Variants in LRRTM4 observed in about 807,000 individuals in gnomAD.
LRRTM4 encodes leucine-rich repeat transmembrane neuronal protein 4.
Under a neutral mutation model 47.6 loss-of-function variants are expected in LRRTM4, and 25 were observed. The ratio of observed to expected loss-of-function variants is 0.53; its 90% CI spans 0.38 to 0.73. LRRTM4 has a LOEUF of 0.73. LRRTM4 is among the 30% of genes least tolerant of loss of function. The pLI, the probability that LRRTM4 is intolerant of heterozygous loss-of-function variation, is 0.00. For missense variants in LRRTM4, 638 were observed against 713.4 expected (o/e 0.89, Z 1.20); for synonymous variants, 311 against 269.5 (o/e 1.15, Z -1.51).
chr2:76,905,590 A>T (rs1419035964), intron 3 of LRRTM4, among the ~76,000 whole-genome samples: 1 of 151,272 alleles, frequency 6.6e-6, no homozygotes, highest in East Asian at 2.0e-4. Context: ...AAGAAGTTAA[A>T]AACTTTGAAA....
intron 3 of LRRTM4, among the ~76,000 whole-genome samples, chr2:77,231,275 A>G (rs1418311814): frequency 6.6e-6 from 1 of 151,908 alleles, no homozygotes; most frequent in Admixed American, 6.6e-5. Flanking sequence ...CAAAGACCAG[A>G]TAGGCAATGT....
chr2:77,299,393 AT>A (rs1480345228), intron 3 of LRRTM4, among the ~76,000 whole-genome samples: 4 of 151,682 alleles, frequency 2.6e-5, no homozygotes, highest in Non-Finnish European at 4.4e-5. Flanking sequence ...ATGTGTGTAT[AT>A]ATACGTATAT....
chr2:76,935,727 C>T (rs947783098), intron 3 of LRRTM4, among the ~76,000 whole-genome samples: 1 of 152,132 alleles, frequency 6.6e-6, no homozygotes, highest in African/African-American at 2.4e-5. Flanking sequence ...TGCTTATCAG[C>T]TTAAGGAGAT....
chr2:77,209,553 G>A (rs570742674), intron 3 of LRRTM4, among the ~76,000 whole-genome samples: 35 of 152,124 alleles, frequency 2.3e-4, no homozygotes, highest in Non-Finnish European at 3.7e-4. Flanking sequence ...TTAGAGGTAG[G>A]TATTATCGAC....
chr2:77,058,657 A>T (rs1318792157), intron 3 of LRRTM4, among the ~76,000 whole-genome samples: 1 of 152,086 alleles, frequency 6.6e-6, no homozygotes, highest in East Asian at 1.9e-4. Context: ...CATTTGCTTG[A>T]TTAAAACCAG....
In LRRTM4 at chr2:76,748,003, A is replaced by G. The variant is rs1672704834; in HGVS notation, c.*692T>C. ...CAAAATTCCTTCTATCATGTACCAT[A>G]TATGGCATTTGTCATGAAGGGTCAT... is the stretch of plus-strand genomic sequence containing the variant. On this transcript the variant is annotated 3_prime_UTR_variant, in exon 4 of 4. Transcript: ENST00000409884. 6.6e-6 allele frequency: 1 copy of G among 152,332 alleles called. No homozygotes were observed. The highest frequency in any genetic ancestry group is 2.4e-5 in the African/African-American group (1 of 41,436). The allele number at this position is 152,332 out of a possible 1,614,324, so 9.4% of individuals were successfully genotyped here. A position where few individuals can be genotyped will look rare whatever the true frequency, so the allele number is the denominator to read the frequency against.
At chr2:76,912,078 G>A (rs1674085594) in intron 3 of LRRTM4, among the ~76,000 whole-genome samples, 2 of 151,872 alleles carry the variant, frequency 1.3e-5, no homozygotes, top group African/African-American at 4.8e-5. Context: ...CCGCCACCAT[G>A]CCCGGCTAAT....
intron 3 of LRRTM4, among the ~76,000 whole-genome samples, chr2:77,171,963 T>A (rs1673060319): frequency 6.6e-6 from 1 of 152,166 alleles, no homozygotes; most frequent in African/African-American, 2.4e-5. Flanking sequence ...GAATGAATCA[T>A]ATGTACTCAC....
chr2:77,179,793 C>G (rs1275191216), intron 3 of LRRTM4, among the ~76,000 whole-genome samples: 1 of 152,062 alleles, frequency 6.6e-6, no homozygotes, highest in Non-Finnish European at 1.5e-5. Flanking sequence ...TTAATATAGT[C>G]AAAATTGAAA....
At chr2:77,372,935 T>A (rs1429250007) in intron 3 of LRRTM4, among the ~76,000 whole-genome samples, 1 of 142,870 alleles carries the variant, frequency 7.0e-6, no homozygotes, top group Non-Finnish European at 1.6e-5. Flanking sequence ...GAAACAAACT[T>A]AATGACTTCT....
rs145643577 is a variant in LRRTM4, at chr2:77,149,048, T to C, written c.1551+369270A>G. ...TATGTGAAACTATCTTTGTCTATATTCACACCATGATTTTCTATGCCAAGA... is the reference window on the plus strand; with the variant it reads ...TATGTGAAACTATCTTTGTCTATATCCACACCATGATTTTCTATGCCAAGA... On this transcript the variant is annotated intron_variant, in intron 3 of 3. Transcript: ENST00000409884. Among the ~76,000 whole-genome samples, 406 of 152,278 alleles carry C rather than the reference T, an allele frequency of 2.7e-3. 1 individual carries two copies. Among genetic ancestry groups the C allele is most frequent in the African/African-American group, 9.5e-3 (395 of 41,558 alleles).
intron 3 of LRRTM4, among the ~76,000 whole-genome samples, chr2:77,012,261 T>G (rs1443045901): frequency 6.6e-6 from 1 of 152,168 alleles, no homozygotes; most frequent in Non-Finnish European, 1.5e-5. Flanking sequence ...ATAATTATTA[T>G]TTTCAAATAA....
At chr2:76,783,533 A>G (rs759146232) in intron 3 of LRRTM4, among the ~76,000 whole-genome samples, 1 of 151,964 alleles carries the variant, frequency 6.6e-6, no homozygotes, top group South Asian at 2.1e-4. Context: ...TTAAGGCGTA[A>G]CTCCCCGTAT....
intron 3 of LRRTM4, among the ~76,000 whole-genome samples, chr2:77,167,053 C>T (rs542658007): frequency 8.5e-5 from 13 of 152,134 alleles, no homozygotes; most frequent in South Asian, 6.2e-4. Flanking sequence ...TTACAATCTA[C>T]GCATCTGACA....
chr2:77,299,278 C>CATAA, intron 3 of LRRTM4, among the ~76,000 whole-genome samples: 1 of 150,214 alleles, frequency 6.7e-6, no homozygotes, highest in Admixed American at 6.7e-5. Flanking sequence ...CACACACACA[C>CATAA]ACACACACAC....
Position 77,052,140 on chromosome 2 carries a change from G to A in LRRTM4, c.1552-303224C>T, listed in dbSNP as rs144216924. Among the ~76,000 whole-genome samples, 530 of 133,826 alleles carry A rather than the reference G, an allele frequency of 4.0e-3. 7 individuals are homozygous for A. Among genetic ancestry groups the A allele is most frequent in the African/African-American group, 0.014 (468 of 33,802 alleles). The allele number at this position is 133,826 out of a possible 152,430, so 87.8% of individuals were successfully genotyped here. Reference sequence around the variant, plus strand: ...GAAAAGGAATGCAAAAAAAAATACCGTTACATTTCCTTTTTTTTTTTTTTT... The same window carrying A: ...GAAAAGGAATGCAAAAAAAAATACCATTACATTTCCTTTTTTTTTTTTTTT... On this transcript the variant is annotated intron_variant, in intron 3 of 3. Transcript: ENST00000409884.
intron 3 of LRRTM4, among the ~76,000 whole-genome samples, chr2:76,811,830 A>T (rs1670743121): frequency 6.6e-6 from 1 of 152,194 alleles, no homozygotes; most frequent in African/African-American, 2.4e-5. Flanking sequence ...GCCGAAAGCA[A>T]GCCTTCAAGT....
Position 77,426,829 on chromosome 2 carries a change from ATG to A in LRRTM4, c.1551+91487_1551+91488del, listed in dbSNP as rs1675126460. ...TGCACACACACACACACACACACAC[ATG>A]CACACACACACACACAGAGAGAGAG... is the stretch of plus-strand genomic sequence containing the variant. On this transcript the variant is annotated intron_variant, in intron 3 of 3. Coordinates refer to ENST00000409884, the MANE Select transcript of LRRTM4 (RefSeq NM_001134745.3). Among the ~76,000 whole-genome samples, 35 of 135,788 alleles carry A rather than the reference ATG, an allele frequency of 2.6e-4. No homozygotes were observed. In the South Asian group the frequency reaches 6.9e-3, roughly 27 times the overall value. The allele number at this position is 135,788 out of a possible 152,430, so 89.1% of individuals were successfully genotyped here. A position where few individuals can be genotyped will look rare whatever the true frequency, so the allele number is the denominator to read the frequency against.
chr2:76,917,612 C>G (rs952935216), intron 3 of LRRTM4, among the ~76,000 whole-genome samples: 1 of 152,046 alleles, frequency 6.6e-6, no homozygotes, highest in African/African-American at 2.4e-5. Context: ...TAAAATTAAG[C>G]TCCAAATTCA....
Sources: gnomAD v4.1 joint callset for allele counts (sites outside exome capture counted in the v4.1 genomes callset) on GRCh38, gnomAD v4.1.1 for gene constraint, MANE v1.5 for transcripts, NCBI Gene and HGNC (gene_info 2026-07-23, HGNC 2026-07-21) for gene names.